ZCWPW1: variants seen among roughly 807,000 people sequenced by gnomAD.
ZCWPW1 encodes zinc finger CW-type and PWWP domain containing 1, also known as zinc finger CW-type PWWP domain protein 1.
A neutral mutation model predicts 81.3 loss-of-function variants in ZCWPW1; 56 were observed. The ratio of observed to expected loss-of-function variants is 0.69; its 90% CI spans 0.56 to 0.86. The LOEUF (loss-of-function observed/expected upper bound fraction) is 0.86. Ranked by LOEUF, ZCWPW1 falls within the 40% of genes least tolerant of loss-of-function variation. The probability of loss-of-function intolerance (pLI) is 0.00; values close to 1 mark genes in which losing one functional copy is unlikely to be tolerated. For synonymous variants in ZCWPW1, 250 were observed against 273.7 expected, an observed-to-expected ratio of 0.91 and a Z score of 0.86; for missense variants, 650 against 769.8, an observed-to-expected ratio of 0.84 and a Z score of 1.84.
At chr7:100,425,685 C>G (rs28660238) in intron 1 of ZCWPW1, among the ~76,000 whole-genome samples, 1 of 151,994 alleles carries the variant, frequency 6.6e-6, no homozygotes, top group South Asian at 2.1e-4. Context: ...CAGAAACAGA[C>G]GAGAACCCAG....
chr7:100,402,292 T>C, intron 16 of ZCWPW1: 2 of 836,548 alleles, frequency 2.4e-6, no homozygotes, highest in Non-Finnish European at 2.1e-6. Flanking sequence ...CCATCCTTCT[T>C]GGCTAAGAAA....
At chr7:100,420,512 T>A in intron 3 of ZCWPW1, 110 bp downstream of exon 3, 2 of 1,295,558 alleles carry the variant, frequency 1.5e-6, no homozygotes, top group Admixed American at 1.9e-5. Flanking sequence ...TAATTTGACC[T>A]GAGTGGGCAC....
At chr7:100,420,000 A>G (rs2130807129) in intron 3 of ZCWPW1, 117 bp from the exon 4 acceptor site, 1 of 858,644 alleles carries the variant, frequency 1.2e-6, no homozygotes, top group East Asian at 2.7e-5. Context: ...TAACAAATTC[A>G]GATTCCTGGG....
chr7:100,404,321 A>C, intron 13 of ZCWPW1, 77 bp from the exon 14 acceptor site: 1 of 1,287,938 alleles, frequency 7.8e-7, no homozygotes, highest in Non-Finnish European at 1.1e-6. Flanking sequence ...TCTGGAATTT[A>C]GTTATGATGA....
intron 2 of ZCWPW1, among the ~76,000 whole-genome samples, chr7:100,423,605 C>T (rs1376882317): frequency 5.9e-5 from 9 of 152,124 alleles, no homozygotes; most frequent in African/African-American, 1.7e-4. Context: ...TCTAAAGCAA[C>T]GACGTTTCCT....
rs749693222 is a variant in ZCWPW1 at position 100,408,538 on chromosome 7, C to A, written c.992+1G>T. On this transcript the variant is annotated splice_donor_variant, in intron 10 of 17. Transcript: ENST00000684423. LOFTEE classifies it high-confidence loss of function. ...GCTCTGACTGTGTCATAATGCCCTA[C>A]CAGGGGTAACCGTATTGCTTGGCCC... 3 of 1,613,020 alleles carry A rather than the reference C, an allele frequency of 1.9e-6. No individual in the cohort carries two copies. The highest frequency in any genetic ancestry group is 2.5e-6 in the Non-Finnish European group (3 of 1,179,484).
At chr7:100,412,873 G>A (rs1794488830) in intron 8 of ZCWPW1, among the ~76,000 whole-genome samples, 1 of 152,002 alleles carries the variant, frequency 6.6e-6, no homozygotes, top group African/African-American at 2.4e-5. Context: ...GAGCCACCAC[G>A]CCCAGCCTTA....
chr7:100,410,500 T>C (rs1202203325), intron 8 of ZCWPW1, among the ~76,000 whole-genome samples: 3 of 152,216 alleles, frequency 2.0e-5, no homozygotes, highest in Admixed American at 6.5e-5. Context: ...GTCTATGCCA[T>C]GGGACTATCC....
chr7:100,428,373 A>G (rs993345298), intron 1 of ZCWPW1, among the ~76,000 whole-genome samples, 195 bp downstream of exon 1: 4 of 152,220 alleles, frequency 2.6e-5, no homozygotes, highest in Non-Finnish European at 5.9e-5. Context: ...TAAATCCGCC[A>G]TCTTCCACCC....
rs1563126216 is a variant in ZCWPW1 at position 100,401,032 on chromosome 7, C to T, written c.1932G>A (p.Val644=). 6.2e-7 allele frequency: 1 copy of T among 1,610,088 alleles called. No individual in the cohort carries two copies. Among genetic ancestry groups the T allele is most frequent in the South Asian group, 1.1e-5 (1 of 90,842 alleles). Residue 644 remains valine, a synonymous_variant, in exon 18 of 18, where the codon GTG becomes GTA. Transcript: ENST00000684423. ...HSNSDGEDFP[V]ALFGK ...GCACCAGCTACTTCCCAAACAGCGC[C>T]ACGGGGAAGTCCTCGCCATCACTGT...
intron 9 of ZCWPW1, 86 bp downstream of exon 9, chr7:100,409,342 C>A (rs2286265): frequency 5.7e-6 from 6 of 1,044,424 alleles, no homozygotes; most frequent in Non-Finnish European, 8.8e-6. Context: ...ACTATATTTA[C>A]GTAGTATTTA....
At chr7:100,416,577 G>A (rs1411510321) in intron 6 of ZCWPW1, 121 bp from the exon 7 acceptor site, 4 of 1,010,578 alleles carry the variant, frequency 4.0e-6, no homozygotes, top group Admixed American at 2.7e-5. Flanking sequence ...ACCTCCTGAG[G>A]CCATTTCATC....
chr7:100,415,645 C>T lies in ZCWPW1; in HGVS notation c.754+330G>A, dbSNP rs976265148. On this transcript the variant is annotated intron_variant, in intron 8 of 17. Transcript: ENST00000684423. ...TCCTCCCCTGGGATCTATAATACCA[C>T]TCCTTATTTTTCTATTACCTTTCTT... Among the ~76,000 whole-genome samples, 6 of 152,158 alleles carry T rather than the reference C, an allele frequency of 3.9e-5. No individual in the cohort carries two copies. In the South Asian group the frequency reaches 1.2e-3, roughly 32 times the overall value.
At chr7:100,424,749 C>T (rs924518033) in intron 2 of ZCWPW1, among the ~76,000 whole-genome samples, 1 of 152,088 alleles carries the variant, frequency 6.6e-6, no homozygotes, top group African/African-American at 2.4e-5. Context: ...CATGACGCAC[C>T]GTGCCCGGCC....
At chr7:100,426,493 A>C (rs1321089338) in intron 1 of ZCWPW1, among the ~76,000 whole-genome samples, 1 of 88,536 alleles carries the variant, frequency 1.1e-5, no homozygotes, top group Non-Finnish European at 2.4e-5. Flanking sequence ...ACTCTGTCTC[A>C]AAAAAAAAAA....
intron 2 of ZCWPW1, among the ~76,000 whole-genome samples, chr7:100,423,127 T>TA (rs1214529516): frequency 6.6e-6 from 1 of 152,028 alleles, no homozygotes; most frequent in Non-Finnish European, 1.5e-5. Flanking sequence ...TTTCTACAGA[T>TA]AAAAAAAATA....
intron 14 of ZCWPW1, 126 bp downstream of exon 14, chr7:100,404,052 C>T: frequency 9.8e-7 from 1 of 1,023,806 alleles, no homozygotes; most frequent in Non-Finnish European, 1.4e-6. Context: ...TCACAAGAGC[C>T]TCCTATTAAA....
intron 8 of ZCWPW1, among the ~76,000 whole-genome samples, chr7:100,414,145 T>C (rs1391374785): frequency 6.6e-6 from 1 of 152,248 alleles, no homozygotes; most frequent in Non-Finnish European, 1.5e-5. Context: ...CAGTGCCTTA[T>C]GTTACTATGT....
chr7:100,421,756 G>A (rs13242082), intron 2 of ZCWPW1, among the ~76,000 whole-genome samples: 5 of 151,656 alleles, frequency 3.3e-5, no homozygotes, highest in Admixed American at 6.6e-5. Flanking sequence ...GCAATGGTGC[G>A]ATCTCGGTGC....
Sources: allele counts gnomAD v4.1 joint callset (sites outside exome capture counted in the v4.1 genomes callset), GRCh38; gene constraint gnomAD v4.1.1; transcripts MANE v1.5; gene names NCBI Gene and HGNC (gene_info 2026-07-23, HGNC 2026-07-21).